Variants in TLK1 observed in about 807,000 individuals in gnomAD.
TLK1 encodes serine/threonine-protein kinase tousled-like 1.
Under a neutral mutation model 105.3 loss-of-function variants are expected in TLK1, and 24 were observed. The ratio of observed to expected loss-of-function variants is 0.23; its 90% CI spans 0.17 to 0.32. The LOEUF is 0.32. Among genes scored for constraint, TLK1 ranks in the 10% least tolerant of loss-of-function variants. The pLI is 1.00. For missense variants in TLK1, 558 were observed against 910.5 expected, an observed-to-expected ratio of 0.61 and a Z score of 4.98; for synonymous variants, 321 against 310.4, an observed-to-expected ratio of 1.03 and a Z score of -0.36.
upstream of TLK1, among the ~76,000 whole-genome samples, chr2:171,163,294 C>T (rs1054923051): frequency 2.6e-5 from 4 of 152,178 alleles, no homozygotes. Context: ...CATTCATGTA[C>T]AAGTCTTTCT....
chr2:171,080,472 T>TAAGG (rs1558930112), intron 3 of TLK1, among the ~76,000 whole-genome samples: 1 of 149,524 alleles, frequency 6.7e-6, no homozygotes, highest in Non-Finnish European at 1.5e-5. Context: ...AATTCATTAA[T>TAAGG]TATCAACTAT....
intron 1 of TLK1, among the ~76,000 whole-genome samples, chr2:171,167,666 GA>G (rs1323626287): frequency 2.0e-5 from 3 of 151,660 alleles, no homozygotes; most frequent in Non-Finnish European, 2.9e-5. Flanking sequence ...CAATCCATTT[GA>G]AAAAAAGAAA....
chr2:171,101,840 A>G (rs1322290519), intron 2 of TLK1, among the ~76,000 whole-genome samples: 1 of 152,204 alleles, frequency 6.6e-6, no homozygotes, highest in Non-Finnish European at 1.5e-5. Flanking sequence ...TAAAAAATAT[A>G]AAAGCAACAC....
intron 11 of TLK1, among the ~76,000 whole-genome samples, chr2:171,032,849 T>C (rs2105400152): frequency 6.6e-6 from 1 of 152,228 alleles, no homozygotes; most frequent in East Asian, 1.9e-4. Context: ...CCTACCTCAC[T>C]CTATGTACAA....
intron 3 of TLK1, among the ~76,000 whole-genome samples, chr2:171,066,383 G>A (rs1471552636): frequency 6.6e-6 from 1 of 152,012 alleles, no homozygotes; most frequent in African/African-American, 2.4e-5. Flanking sequence ...TATAAAAGAT[G>A]GTAGAACACC....
intron 3 of TLK1, among the ~76,000 whole-genome samples, chr2:171,076,471 A>T (rs1055445283): frequency 2.0e-5 from 3 of 152,106 alleles, no homozygotes; most frequent in African/African-American, 7.2e-5. Context: ...ACTTCTGTTC[A>T]TTATAAATTG....
Position 171,049,935 on chromosome 2 carries a change from G to A in TLK1, c.859C>T (p.Leu287=), listed in dbSNP as rs1350409771. 6.2e-7 allele frequency: 1 copy of A among 1,611,516 alleles called. No homozygotes were observed. Among genetic ancestry groups the A allele is most frequent in the Non-Finnish European group, 8.5e-7 (1 of 1,178,888 alleles). The change falls in exon 10 of 21, where the codon CTG becomes TTG. Residue 287 remains leucine (L), a synonymous_variant. Coordinates refer to ENST00000431350, the MANE Select transcript of TLK1 (RefSeq NM_012290.5). ...LLIEKSTQEK[L]SSREKSMQDR... ...TGCATACTCTTCTCTCTGCTTGACA[G>A]CTTTTCTTGTGTACTCTGAAAAGGA... is the stretch of plus-strand genomic sequence containing the variant.
At chr2:171,007,227 T>C (rs1340695505) in intron 14 of TLK1, among the ~76,000 whole-genome samples, 164 bp from the exon 15 acceptor site, 1 of 152,058 alleles carries the variant, frequency 6.6e-6, no homozygotes, top group Non-Finnish European at 1.5e-5. Flanking sequence ...AATGACACTT[T>C]TATTATCAGA....
chr2:171,091,239 TACGAAAATC>T (rs1157245141), intron 2 of TLK1, among the ~76,000 whole-genome samples: 1 of 152,158 alleles, frequency 6.6e-6, no homozygotes, highest in Admixed American at 6.5e-5. Context: ...GCTACAGACA[TACGAAAATC>T]ACAAAAATCA....
At chr2:171,109,342 G>A (rs1330704678) in intron 2 of TLK1, among the ~76,000 whole-genome samples, 1 of 152,078 alleles carries the variant, frequency 6.6e-6, no homozygotes, top group Non-Finnish European at 1.5e-5. Flanking sequence ...AATAACCCTT[G>A]TGTTAAAAAG....
At chr2:171,087,972 A>G (rs914540922) in intron 2 of TLK1, among the ~76,000 whole-genome samples, 5 of 152,164 alleles carry the variant, frequency 3.3e-5, no homozygotes, top group African/African-American at 1.2e-4. Flanking sequence ...AGATGATAAA[A>G]ATCTCTCTCT....
At chr2:171,207,373 A>C (rs888109124) in intron 1 of TLK1, among the ~76,000 whole-genome samples, 3 of 152,242 alleles carry the variant, frequency 2.0e-5, no homozygotes, top group Admixed American at 2.0e-4. Context: ...AAGATCAGTA[A>C]GTGCATTAGC....
At position 170,993,668 on chromosome 2, in the gene TLK1, T is replaced by TAAAAAAAAAAAA. The variant is rs71008739; in HGVS notation, c.*100_*111dup. 5 of 433,796 alleles carry TAAAAAAAAAAAA rather than the reference T, an allele frequency of 1.2e-5. No individual in the cohort carries two copies. The highest frequency in any genetic ancestry group is 6.3e-5 in the Admixed American group (1 of 15,848). The allele number at this position is 433,796 out of a possible 1,614,324, so 26.9% of individuals were successfully genotyped here. On this transcript the variant is annotated 3_prime_UTR_variant, in exon 21 of 21. Transcript: ENST00000431350. ...AAACAGTTCTTAACCACGTCTTGTGTAAAAAAAAAAAAAAAAAAAAAAGAA... is the reference window on the plus strand; with the variant it reads ...AAACAGTTCTTAACCACGTCTTGTGTAAAAAAAAAAAAAAAAAAAAAAAAAAAAAAAAAAGAA...
chr2:171,063,238 C>A (rs1482289100), intron 3 of TLK1, among the ~76,000 whole-genome samples: 1 of 151,722 alleles, frequency 6.6e-6, no homozygotes, highest in African/African-American at 2.4e-5. Context: ...GCCAGCTACT[C>A]GGGAGGCTGA....
At chr2:171,028,569 T>A (rs1685889257) in intron 11 of TLK1, among the ~76,000 whole-genome samples, 164 bp from the exon 12 acceptor site, 1 of 152,212 alleles carries the variant, frequency 6.6e-6, no homozygotes. Context: ...ATATATTTAA[T>A]ACTTTTAGAT....
chr2:171,007,768 T>A, intron 14 of TLK1, among the ~76,000 whole-genome samples: 1 of 152,124 alleles, frequency 6.6e-6, no homozygotes, highest in Non-Finnish European at 1.5e-5. Context: ...CATACCATTA[T>A]CACACCTAAC....
chr2:171,200,031 A>C (rs576689871), intron 1 of TLK1, among the ~76,000 whole-genome samples: 1 of 152,230 alleles, frequency 6.6e-6, no homozygotes, highest in Non-Finnish European at 1.5e-5. Flanking sequence ...AACCTCTAGC[A>C]TAAATGTGAG....
chr2:171,009,291 CTTTTTTTTTTTTTTTTTT>C (rs71008743), intron 14 of TLK1, among the ~76,000 whole-genome samples: 1 of 74,832 alleles, frequency 1.3e-5, no homozygotes. Context: ...ATTTCTTTTC[CTTTTTTTTTTTTTTTTTT>C]TTTTTTTTTT....
chr2:171,141,563 C>T (rs1691575596), intron 1 of TLK1, among the ~76,000 whole-genome samples: 5 of 149,380 alleles, frequency 3.3e-5, no homozygotes, highest in Admixed American at 3.3e-4. Context: ...CAAAAAGTGA[C>T]CAGAGATCTA....
Sources: gnomAD v4.1 joint callset for allele counts (sites outside exome capture counted in the v4.1 genomes callset) on GRCh38, gnomAD v4.1.1 for gene constraint, MANE v1.5 for transcripts, NCBI Gene and HGNC (gene_info 2026-07-23, HGNC 2026-07-21) for gene names.